The following ADAD2 variants were observed in gnomAD, a reference collection of about 807,000 sequenced individuals.
ADAD2 encodes adenosine deaminase domain-containing protein 2.
In ADAD2, 60 loss-of-function variants were observed where a neutral mutation model predicts 54.5. That is an observed-to-expected ratio of 1.10 (90% CI 0.89 to 1.36). The LOEUF (loss-of-function observed/expected upper bound fraction) is 1.36. Among genes scored for constraint, ADAD2 ranks in the 40% most tolerant of loss-of-function variants. The pLI is 0.00. For synonymous variants in ADAD2, 543 were observed against 366.2 expected (o/e 1.48, Z -5.51); for missense variants, 1,103 against 801.3 (o/e 1.38, Z -4.54).
Position 84,195,438 on chromosome 16 carries a change from C to G in ADAD2, c.876C>G (p.Ala292=), listed in dbSNP as rs141886484. ...DCHGLVIARR[A]LLRFLFRQLL... ...ATGGCCTGGTCATCGCCCGCAGGGC[C>G]CTGCTGAGGTGAGGGGCAGTGGGGT... Residue 292 remains alanine, a synonymous_variant, in exon 5 of 10, where the codon GCC becomes GCG. Transcript: ENST00000315906. The G allele has an allele frequency of 6.2e-7, 1 of 1,609,604 alleles. No individual in the cohort carries two copies. The highest frequency in any genetic ancestry group is 8.5e-7 in the Non-Finnish European group (1 of 1,179,342).
intron 1 of ADAD2, chr16:84,194,232 G>A: frequency 6.4e-7 from 1 of 1,556,854 alleles, no homozygotes; most frequent in Non-Finnish European, 8.7e-7. Flanking sequence ...GTGAGGACTT[G>A]GTTGAATCAG....
In ADAD2 at chr16:84,196,932, G is replaced by A. The variant is rs1455455812; in HGVS notation, c.1710G>A (p.Gly570=). The part of the protein sequence containing the change: ...LSLLLDQQGL[G]AWPSKPLVGK... The stretch of plus-strand genomic sequence containing the variant: ...TCCTCCTGGACCAGCAGGGCCTGGG[G>A]GCTTGGCCCTCGAAGCCACTGGTGG... Residue 570 remains glycine, a synonymous_variant, in exon 10 of 10, where the codon GGG becomes GGA. Coordinates refer to ENST00000315906, the MANE Select transcript of ADAD2 (RefSeq NM_001145400.2). 6.9e-6 allele frequency: 11 copies of A among 1,605,752 alleles called. No homozygotes were observed. The highest frequency in any genetic ancestry group is 1.7e-5 in the Admixed American group (1 of 58,682).
rs749009923 is a variant in ADAD2, at chr16:84,195,368, G to T, written c.806G>T (p.Cys269Phe). Residue 269 changes from cysteine to phenylalanine, a missense_variant, in exon 5 of 10, where the codon TGT (cysteine) becomes TTT (phenylalanine). Physicochemically the swap from Cys to Phe is radical, Grantham distance 205. Coordinates refer to ENST00000315906, the MANE Select transcript of ADAD2 (RefSeq NM_001145400.2). ...LVALGTGSSC[C>F]AGWLEFSGQQ... is the part of the protein sequence containing the mutation. ...GCTCTGGGCACCGGCAGCAGCTGCT[G>T]TGCTGGCTGGCTGGAGTTCTCGGGC... 3 of 1,609,444 alleles carry T rather than the reference G, an allele frequency of 1.9e-6. No homozygotes were observed. The East Asian group carries it at 6.7e-5, about 36-fold the overall frequency.
At position 84,191,600 on chromosome 16, in the gene ADAD2, G is replaced by A. The variant is rs2151325561; in HGVS notation, c.370G>A (p.Ala124Thr). The A allele has an allele frequency of 1.9e-6, 3 of 1,552,012 alleles. No individual in the cohort carries two copies. Among genetic ancestry groups the A allele is most frequent in the Non-Finnish European group, 2.6e-6 (3 of 1,148,072 alleles). Residue 124 changes from alanine (A) to threonine (T), a missense_variant, in exon 1 of 10, where the codon GCG (alanine) becomes ACG (threonine). Ala to Thr is a moderately conservative substitution (Grantham distance 58, BLOSUM62 0). Coordinates refer to ENST00000315906, the MANE Select transcript of ADAD2 (RefSeq NM_001145400.2). ...GGCCGTGTCCTTGCTCACGGAGTAC[G>A]CGGCCAGCCTGGGCATCTTCCTGCT... The part of the protein sequence containing the change: ...SQAVSLLTEY[A>T]ASLGIFLLFR...
rs756201784 is a variant in ADAD2 at position 84,191,227 on chromosome 16, G to T, written c.-4G>T. 10 of 1,606,646 alleles carry T rather than the reference G, an allele frequency of 6.2e-6. No individual in the cohort carries two copies. Among genetic ancestry groups the T allele is most frequent in the Admixed American group, 5.0e-5 (3 of 59,484 alleles). On this transcript the variant is annotated 5_prime_UTR_variant, in exon 1 of 10. Coordinates refer to ENST00000315906, the MANE Select transcript of ADAD2 (RefSeq NM_001145400.2). The stretch of plus-strand genomic sequence containing the variant: ...CCTAGCGCCTCAGATCTTCGTTGGC[G>T]GCCATGGCTTCGGCTTCTCAGGGCG...
rs866742269 is a variant in ADAD2 at position 84,195,386 on chromosome 16, T to C, written c.824T>C (p.Phe275Ser). The C allele has an allele frequency of 3.1e-6, 5 of 1,608,988 alleles. No homozygotes were observed. Among genetic ancestry groups the C allele is most frequent in the Middle Eastern group, 1.6e-4 (1 of 6,062 alleles). Residue 275 changes from phenylalanine (F) to serine (S), a missense_variant, in exon 5 of 10, where the codon TTC (phenylalanine) becomes TCC (serine). By Grantham distance (155) the Phe-to-Ser change is radical (BLOSUM62 -2). Transcript: ENST00000315906. ...GSSCCAGWLE[F>S]SGQQLHDCHG... Reference sequence around the variant, plus strand: ...AGCTGCTGTGCTGGCTGGCTGGAGTTCTCGGGCCAGCAGCTCCACGACTGC... The same window carrying C: ...AGCTGCTGTGCTGGCTGGCTGGAGTCCTCGGGCCAGCAGCTCCACGACTGC...
intron 1 of ADAD2, chr16:84,193,275 C>G (rs1011482109): frequency 6.6e-6 from 1 of 152,180 alleles, no homozygotes; most frequent in African/African-American, 2.4e-5. Flanking sequence ...GACCTCATGG[C>G]CATTGTTTCC....
At chr16:84,196,547 A>T (rs916379743) in intron 8 of ADAD2, 100 bp from the exon 9 acceptor site, 5 of 1,560,596 alleles carry the variant, frequency 3.2e-6, no homozygotes, top group Non-Finnish European at 4.3e-6. Flanking sequence ...GAGTCCTGTG[A>T]CATTGTCACA....
In ADAD2 at chr16:84,196,519, C is replaced by T. The variant is rs1468354251; in HGVS notation, c.1527-128C>T. ...CTTCCTAGCTCCGTAGTGGTGGCCACACCTCTGTCTGCCCTGTGAGTCCTG... is the reference window on the plus strand; with the variant it reads ...CTTCCTAGCTCCGTAGTGGTGGCCATACCTCTGTCTGCCCTGTGAGTCCTG... On this transcript the variant is annotated intron_variant, in intron 8 of 9. Transcript: ENST00000315906. 5.2e-6 allele frequency: 8 copies of T among 1,547,026 alleles called. No homozygotes were observed. The East Asian group carries it at 1.8e-4, about 35-fold the overall frequency.
In ADAD2 at chr16:84,196,318, G is replaced by C. The variant is rs761512404; in HGVS notation, c.1474G>C (p.Gly492Arg). The C allele has an allele frequency of 1.9e-5, 31 of 1,612,842 alleles. No homozygotes were observed. The highest frequency in any genetic ancestry group is 2.5e-5 in the Non-Finnish European group (30 of 1,179,984). Residue 492 changes from glycine (G) to arginine (R), a missense_variant, in exon 8 of 10, where the codon GGG (glycine) becomes CGG (arginine). By Grantham distance (125) the Gly-to-Arg change is moderately radical. Transcript: ENST00000315906. The stretch of plus-strand genomic sequence containing the variant: ...TGGCCTGAGCCTCAACTGGAGCCTG[G>C]GGGACCCTGGCATCGAGGTTGTGGA... Reference protein sequence around the residue: ...CRGLSLNWSLGDPGIEVVDVA... With the variant: ...CRGLSLNWSLRDPGIEVVDVA...
Position 84,191,382 on chromosome 16 carries a change from C to G in ADAD2, c.152C>G (p.Thr51Arg). The G allele has an allele frequency of 1.3e-6, 2 of 1,512,478 alleles. No individual in the cohort carries two copies. Among genetic ancestry groups the G allele is most frequent in the Non-Finnish European group, 1.8e-6 (2 of 1,135,356 alleles). The allele number at this position is 1,512,478 out of a possible 1,614,324, so 93.7% of individuals were successfully genotyped here. The change falls in exon 1 of 10, where the codon ACG (threonine) becomes AGG (arginine). Residue 51 changes from threonine (T) to arginine (R), a missense_variant. Physicochemically the swap from Thr to Arg is moderately conservative, Grantham distance 71 (BLOSUM62 -1). Coordinates refer to ENST00000315906, the MANE Select transcript of ADAD2 (RefSeq NM_001145400.2). ...SAWGPAPAPATYRAEGGWPQV... is the reference protein window; with the variant it reads ...SAWGPAPAPARYRAEGGWPQV... ...TGGGGGCCCGCGCCCGCGCCCGCGA[C>G]GTATCGCGCGGAGGGCGGGTGGCCC...
Position 84,195,051 on chromosome 16 carries a change from T to C in ADAD2, c.608-18T>C. 6.2e-7 allele frequency: 1 copy of C among 1,612,522 alleles called. No individual in the cohort carries two copies. Among genetic ancestry groups the C allele is most frequent in the East Asian group, 2.2e-5 (1 of 44,812 alleles). On this transcript the variant is annotated intron_variant, in intron 3 of 9. Transcript: ENST00000315906. ...GGCGTGGGCCCCCTTCTACCTGCAG[T>C]CTCTCGCCCTGGCGCAGAGAACATC...
At chr16:84,196,066 G>C (rs371210152) in intron 7 of ADAD2, 22 bp downstream of exon 7, 40 of 1,599,290 alleles carry the variant, frequency 2.5e-5, no homozygotes, top group African/African-American at 9.3e-5. Context: ...GTGAGGGCTG[G>C]GGGGGTGAGA....
At position 84,195,929 on chromosome 16, in the gene ADAD2, C is replaced by T. The variant is rs1434865852; in HGVS notation, c.1167C>T (p.Thr389=). 6.3e-7 allele frequency: 1 copy of T among 1,599,750 alleles called. No homozygotes were observed. Among genetic ancestry groups the T allele is most frequent in the Non-Finnish European group, 8.5e-7 (1 of 1,179,580 alleles). The part of the protein sequence containing the change: ...VCYVAPSLCD[T]HVGCLSASDK... ...ACGTGGCGCCCTCGCTCTGTGACAC[C>T]CACGTGGGCTGCCTGTCAGCCAGTG... Residue 389 remains threonine, a synonymous_variant, in exon 7 of 10, where the codon ACC becomes ACT. Coordinates refer to ENST00000315906, the MANE Select transcript of ADAD2 (RefSeq NM_001145400.2).
At position 84,197,068 on chromosome 16, in the gene ADAD2, T is replaced by G. The variant is rs2089742196; in HGVS notation, c.*94T>G. 1 of 1,306,226 alleles carries G rather than the reference T, an allele frequency of 7.7e-7. No individual in the cohort carries two copies. The highest frequency in any genetic ancestry group is 1.1e-6 in the Non-Finnish European group (1 of 941,308). 80.9% of individuals were successfully genotyped at this position (1,306,226 alleles called of 1,614,324 possible). On this transcript the variant is annotated 3_prime_UTR_variant, in exon 10 of 10. Coordinates refer to ENST00000315906, the MANE Select transcript of ADAD2 (RefSeq NM_001145400.2). ...GGAGCGTTGTGGGGAGAACATGGGT[T>G]GTGCGGGGTGAAACTGGGGCTGGAG...
chr16:84,196,483 T>TA, intron 8 of ADAD2, 113 bp downstream of exon 8: 1 of 607,206 alleles, frequency 1.6e-6, no homozygotes, highest in African/African-American at 9.3e-5. Context: ...CTCAACCCCT[T>TA]CGCTCAACCC....
Position 84,196,148 on chromosome 16 carries a change from C to T in ADAD2, c.1304C>T (p.Pro435Leu), listed in dbSNP as rs780484983. Residue 435 changes from proline to leucine, a missense_variant, in exon 8 of 10, where the codon CCG (proline) becomes CTG (leucine). By Grantham distance (98) the Pro-to-Leu change is moderately conservative (BLOSUM62 -3). Coordinates refer to ENST00000315906, the MANE Select transcript of ADAD2 (RefSeq NM_001145400.2). ...LILADSCHDP[P>L]TLSRAIHTRP... ...GCAGCTGACTCATGCCACGACCCTC[C>T]GACTCTGAGCAGGGCCATCCACACC... is the stretch of plus-strand genomic sequence containing the variant. 1.5e-5 allele frequency: 24 copies of T among 1,604,460 alleles called. No homozygotes were observed. Among genetic ancestry groups the T allele is most frequent in the Non-Finnish European group, 1.9e-5 (22 of 1,179,830 alleles).
chr16:84,195,006 C>G, intron 3 of ADAD2, 26 bp downstream of exon 3: 2 of 1,612,790 alleles, frequency 1.2e-6, no homozygotes, highest in Non-Finnish European at 1.7e-6. Flanking sequence ...CGGACCCAGG[C>G]TTGTAGTGTC....
chr16:84,191,834 A>G, intron 1 of ADAD2, 186 bp downstream of exon 1: 1 of 821,362 alleles, frequency 1.2e-6, no homozygotes, highest in Non-Finnish European at 2.0e-6. Flanking sequence ...AGCGATCTCC[A>G]AGGATCACCA....
Sources: allele counts gnomAD v4.1 joint callset, GRCh38; gene constraint gnomAD v4.1.1; transcripts MANE v1.5; gene names NCBI Gene and HGNC (gene_info 2026-07-23, HGNC 2026-07-21).